The following FARP1 variants were observed in gnomAD, a reference collection of about 807,000 sequenced individuals.
FARP1 encodes FERM, ARH/RhoGEF and pleckstrin domain protein 1.
FARP1 carries 52 observed loss-of-function variants against 128.8 expected under a neutral mutation model. The observed-to-expected ratio is 0.40, with a 90% CI of 0.32 to 0.51. The LOEUF (loss-of-function observed/expected upper bound fraction) is 0.51. FARP1 is among the 20% of genes least tolerant of loss of function. The pLI, the probability that FARP1 is intolerant of heterozygous loss-of-function variation, is 0.45. For missense variants in FARP1, 1,333 were observed against 1,367.9 expected, an observed-to-expected ratio of 0.97 and a Z score of 0.40; for synonymous variants, 580 against 551.8, an observed-to-expected ratio of 1.05 and a Z score of -0.72.
intron 2 of FARP1, among the ~76,000 whole-genome samples, chr13:98,225,631 G>A (rs1477056151): frequency 2.0e-5 from 3 of 152,246 alleles, no homozygotes; most frequent in African/African-American, 7.2e-5. Flanking sequence ...AAGGCCCGTG[G>A]CCATCTTAGA....
intron 2 of FARP1, among the ~76,000 whole-genome samples, chr13:98,214,015 T>C (rs973553168): frequency 1.8e-4 from 27 of 152,154 alleles, no homozygotes; most frequent in Non-Finnish European, 2.8e-4. Context: ...GGGGAGGCCC[T>C]GCCACCGCAG....
In FARP1 at chr13:98,348,672, A is replaced by G. The variant is rs372725953; in HGVS notation, c.276+4806A>G. On this transcript the variant is annotated intron_variant, in intron 3 of 26. Coordinates refer to ENST00000319562, the MANE Select transcript of FARP1 (RefSeq NM_005766.4). ...TGAATGGATGTGGCTGTGTTCCAATACAGCTTTATTTATGGGCACAGAGAT... is the reference window on the plus strand; with the variant it reads ...TGAATGGATGTGGCTGTGTTCCAATGCAGCTTTATTTATGGGCACAGAGAT... Among the ~76,000 whole-genome samples, 42 of 152,384 alleles carry G rather than the reference A, an allele frequency of 2.8e-4. No homozygotes were observed. The Middle Eastern group carries it at 0.014, about 49-fold the overall frequency.
At chr13:98,312,548 A>C (rs561135934) in intron 2 of FARP1, among the ~76,000 whole-genome samples, 1 of 152,306 alleles carries the variant, frequency 6.6e-6, no homozygotes, top group East Asian at 1.9e-4. Context: ...CTAGCATTTC[A>C]GTTTTAATTT....
chr13:98,403,895 A>C (rs1311646752), intron 13 of FARP1: 1 of 152,486 alleles, frequency 6.6e-6, no homozygotes, highest in Non-Finnish European at 1.5e-5. Context: ...AAAACTGTCC[A>C]TTGTAACTGT....
chr13:98,199,897 G>T (rs1296019092), intron 1 of FARP1, among the ~76,000 whole-genome samples: 1 of 152,154 alleles, frequency 6.6e-6, no homozygotes, highest in Non-Finnish European at 1.5e-5. Flanking sequence ...TTGAGAAATT[G>T]ACATCATTAG....
chr13:98,291,233 A>G (rs1038111955), intron 2 of FARP1, among the ~76,000 whole-genome samples: 1 of 152,176 alleles, frequency 6.6e-6, no homozygotes, highest in Non-Finnish European at 1.5e-5. Flanking sequence ...GTCAAGGAAA[A>G]TGTTATTAAG....
intron 2 of FARP1, among the ~76,000 whole-genome samples, chr13:98,245,656 TAGA>T (rs1453956689): frequency 3.9e-5 from 6 of 152,370 alleles, no homozygotes; most frequent in African/African-American, 9.6e-5. Flanking sequence ...AACTATTCTT[TAGA>T]AGAAGAACTT....
At chr13:98,426,511 A>G (rs1414639718) in intron 17 of FARP1, among the ~76,000 whole-genome samples, 1 of 152,140 alleles carries the variant, frequency 6.6e-6, no homozygotes, top group Non-Finnish European at 1.5e-5. Context: ...ATAAATAAGC[A>G]AAGATGAATC....
chr13:98,415,008 T>C (rs1490989869), intron 16 of FARP1, among the ~76,000 whole-genome samples: 1 of 152,192 alleles, frequency 6.6e-6, no homozygotes, highest in African/African-American at 2.4e-5. Context: ...CAGAAAAGGA[T>C]TTCTGAAGCC....
chr13:98,150,923 TG>T (rs776773305), intron 1 of FARP1, among the ~76,000 whole-genome samples: 22 of 152,114 alleles, frequency 1.4e-4, no homozygotes, highest in Non-Finnish European at 2.8e-4. Context: ...GAATGAAAAA[TG>T]GGTGCCTTGG....
chr13:98,227,086 G>A (rs1815389), intron 2 of FARP1, among the ~76,000 whole-genome samples: 39 of 151,836 alleles, frequency 2.6e-4, no homozygotes, highest in African/African-American at 9.2e-4. Flanking sequence ...GACTACAGGC[G>A]CCCGCCACCA....
intron 3 of FARP1, among the ~76,000 whole-genome samples, chr13:98,348,201 G>A (rs1428354615): frequency 2.6e-5 from 4 of 152,248 alleles, no homozygotes; most frequent in African/African-American, 7.2e-5. Flanking sequence ...TGATTGCAGT[G>A]TTGACACGCA....
intron 13 of FARP1, chr13:98,403,209 T>G (rs1279669700): frequency 6.6e-6 from 1 of 152,196 alleles, no homozygotes; most frequent in East Asian, 1.9e-4. Flanking sequence ...TAAGTGATCG[T>G]CCTGGGTGAT....
At chr13:98,212,789 G>A (rs907247020) in intron 1 of FARP1, among the ~76,000 whole-genome samples, 3 of 152,182 alleles carry the variant, frequency 2.0e-5, no homozygotes, top group South Asian at 2.1e-4. Context: ...TGCAGTGCGC[G>A]TTTTACCTGT....
chr13:98,291,853 T>C (rs1283181271), intron 2 of FARP1, among the ~76,000 whole-genome samples: 1 of 152,224 alleles, frequency 6.6e-6, no homozygotes, highest in African/African-American at 2.4e-5. Flanking sequence ...AGCACCAAGT[T>C]GACACCATCT....
At chr13:98,389,916 T>C (rs1890242345) in intron 9 of FARP1, 41 bp from the exon 10 acceptor site, 4 of 1,600,034 alleles carry the variant, frequency 2.5e-6, no homozygotes, top group Non-Finnish European at 3.4e-6. Context: ...GGTGTATCTA[T>C]GGGTAATGGA....
chr13:98,311,832 GT>G lies in FARP1; in HGVS notation c.172-31921del, dbSNP rs576083157. Among the ~76,000 whole-genome samples the G allele has an allele frequency of 4.5e-3, 640 of 141,690 alleles. 7 individuals are homozygous for G. The highest frequency in any genetic ancestry group is 0.015 in the African/African-American group (600 of 40,092). The allele number at this position is 141,690 out of a possible 152,430, so 93.0% of individuals were successfully genotyped here. ...AACTGCTGTTCTTTTATTTCGTTTTGTTTTTTTTTGTTGTTTTTTGTTTTTT... is the reference window on the plus strand; with the variant it reads ...AACTGCTGTTCTTTTATTTCGTTTTGTTTTTTTTGTTGTTTTTTGTTTTTT... On this transcript the variant is annotated intron_variant, in intron 2 of 26. Coordinates refer to ENST00000319562, the MANE Select transcript of FARP1 (RefSeq NM_005766.4).
At position 98,429,965 on chromosome 13, in the gene FARP1, G is replaced by A. The variant is rs374766162; in HGVS notation, c.1906-1078G>A. Among the ~76,000 whole-genome samples the A allele has an allele frequency of 9.8e-5, 15 of 152,366 alleles. No individual in the cohort carries two copies. The East Asian group carries it at 1.2e-3, about 12-fold the overall frequency. On this transcript the variant is annotated intron_variant, in intron 17 of 26. Coordinates refer to ENST00000319562, the MANE Select transcript of FARP1 (RefSeq NM_005766.4). ...GAAGAATCTAGATTTCAGGCCGGGCGTGGTGCCTCATGCCTGTATTCCCAG... is the reference window on the plus strand; with the variant it reads ...GAAGAATCTAGATTTCAGGCCGGGCATGGTGCCTCATGCCTGTATTCCCAG...
chr13:98,154,205 T>C (rs1876333322), intron 1 of FARP1, among the ~76,000 whole-genome samples: 1 of 152,220 alleles, frequency 6.6e-6, no homozygotes, highest in East Asian at 1.9e-4. Flanking sequence ...GTGTCCAGTT[T>C]GGAGCAATTA....
Sources: gnomAD v4.1 joint callset for allele counts (sites outside exome capture counted in the v4.1 genomes callset) on GRCh38, gnomAD v4.1.1 for gene constraint, MANE v1.5 for transcripts, NCBI Gene and HGNC (gene_info 2026-07-23, HGNC 2026-07-21) for gene names.